Variants in SASH1 observed in about 807,000 individuals in gnomAD.
SASH1 encodes SAM and SH3 domain-containing protein 1.
A neutral mutation model predicts 125.2 loss-of-function variants in SASH1; 44 were observed. The ratio of observed to expected loss-of-function variants is 0.35; its 90% CI spans 0.28 to 0.45. SASH1 has a LOEUF of 0.45. Among genes scored for constraint, SASH1 ranks in the 20% least tolerant of loss-of-function variants. The pLI, the probability that SASH1 is intolerant of heterozygous loss-of-function variation, is 1.00. For missense variants in SASH1, 1,426 were observed against 1,614.5 expected (o/e 0.88, Z 2.00); for synonymous variants, 639 against 649.1 (o/e 0.98, Z 0.24).
chr6:148,422,912 C>T (rs1775632277), intron 2 of SASH1, among the ~76,000 whole-genome samples: 1 of 152,078 alleles, frequency 6.6e-6, no homozygotes, highest in African/African-American at 2.4e-5. Context: ...AATATGATAT[C>T]TATCCGTGTG....
chr6:148,454,756 G>C (rs1376625886), intron 4 of SASH1, among the ~76,000 whole-genome samples: 1 of 152,156 alleles, frequency 6.6e-6, no homozygotes, highest in Non-Finnish European at 1.5e-5. Flanking sequence ...TGAAGAGAGG[G>C]AGAGATCTGG....
chr6:148,527,285 A>G (rs1781235353), intron 11 of SASH1, 168 bp from the exon 12 acceptor site: 4 of 566,828 alleles, frequency 7.1e-6, no homozygotes, highest in Non-Finnish European at 8.5e-6. Context: ...AATAAGCTTT[A>G]ATTTTTAATC....
intron 1 of SASH1, among the ~76,000 whole-genome samples, chr6:148,321,119 G>A (rs916146988): frequency 3.3e-5 from 5 of 152,170 alleles, no homozygotes; most frequent in Non-Finnish European, 5.9e-5. Flanking sequence ...CAGGCCAGGC[G>A]CGGTGGCTCA....
intron 1 of SASH1, among the ~76,000 whole-genome samples, chr6:148,353,103 G>A (rs934611161): frequency 5.3e-5 from 8 of 151,880 alleles, no homozygotes; most frequent in Non-Finnish European, 2.9e-5. Context: ...GGGTCTCCCT[G>A]TGTCACGCAG....
At chr6:148,448,166 G>A (rs774912938) in intron 4 of SASH1, among the ~76,000 whole-genome samples, 10 of 151,698 alleles carry the variant, frequency 6.6e-5, no homozygotes, top group Non-Finnish European at 1.0e-4. Context: ...GCGTGCGTGC[G>A]TTGTCACCTT....
chr6:148,492,516 G>A (rs967045756), intron 8 of SASH1, among the ~76,000 whole-genome samples: 3 of 152,124 alleles, frequency 2.0e-5, no homozygotes, highest in Non-Finnish European at 4.4e-5. Context: ...GTAGAGCAGA[G>A]GTTAAAATCA....
chr6:148,317,704 C>T (rs9485278), intron 1 of SASH1, among the ~76,000 whole-genome samples: 6,899 of 152,246 alleles, frequency 0.045, 220 homozygotes, highest in South Asian at 0.088. Context: ...GGATTACAGT[C>T]GTGAGCCACG....
At chr6:148,548,191 G>A (rs1782669713) in intron 19 of SASH1, 104 bp from the exon 20 acceptor site, 1 of 1,030,160 alleles carries the variant, frequency 9.7e-7, no homozygotes, top group Non-Finnish European at 1.4e-6. Flanking sequence ...TCTGATAATA[G>A]TCTAGCAATG....
intron 1 of SASH1, among the ~76,000 whole-genome samples, chr6:148,373,912 G>A (rs183351049): frequency 1.3e-5 from 2 of 152,348 alleles, no homozygotes; most frequent in East Asian, 3.9e-4. Flanking sequence ...GACGGAGGTT[G>A]CACTAAGCTG....
intron 1 of SASH1, among the ~76,000 whole-genome samples, chr6:148,362,963 G>C (rs887479538): frequency 1.5e-4 from 23 of 152,292 alleles, no homozygotes; most frequent in African/African-American, 5.3e-4. Flanking sequence ...CTGCCACCCA[G>C]GACAGAGCTG....
At chr6:148,216,889 G>A in the SASH1 span, among the ~76,000 whole-genome samples, 1 of 151,834 alleles carries the variant, frequency 6.6e-6, no homozygotes, top group Admixed American at 6.6e-5. Flanking sequence ...CACCATGCCC[G>A]GCTAATTTTT....
chr6:148,444,991 A>G (rs1355615760), intron 4 of SASH1, among the ~76,000 whole-genome samples: 1 of 152,192 alleles, frequency 6.6e-6, no homozygotes, highest in East Asian at 1.9e-4. Flanking sequence ...TTTAGACCAC[A>G]TAGGGTAACT....
chr6:148,438,367 T>G (rs560449289), intron 2 of SASH1, among the ~76,000 whole-genome samples: 37 of 152,328 alleles, frequency 2.4e-4, no homozygotes, highest in African/African-American at 8.9e-4. Flanking sequence ...AAAGTATATA[T>G]CCCCTTTGTT....
intron 8 of SASH1, among the ~76,000 whole-genome samples, chr6:148,507,759 A>G (rs747356985): frequency 9.2e-5 from 14 of 152,120 alleles, no homozygotes; most frequent in Non-Finnish European, 1.8e-4. Flanking sequence ...CTGTGTAGCT[A>G]GGTATTTTAT....
chr6:148,272,320 C>G lies in SASH1; in HGVS notation n.17C>G, dbSNP rs148130863. On this transcript the variant is annotated non_coding_transcript_exon_variant, in exon 1 of 4. Coordinates refer to the SASH1 transcript ENST00000367469. ...ATGCGATCTGAGTCAGAGAGGAAGT[C>G]AGAGACCATTTGAACGTATGGCCAG... 7.9e-5 allele frequency: 37 copies of G among 470,274 alleles called. 1 individual carries two copies. The highest frequency in any genetic ancestry group is 4.6e-4 in the African/African-American group (23 of 50,174). The allele number at this position is 470,274 out of a possible 1,614,324, so 29.1% of individuals were successfully genotyped here. A position where few individuals can be genotyped will look rare whatever the true frequency, so the allele number is the denominator to read the frequency against.
At chr6:148,301,000 G>C (rs1779926320) in intron 1 of SASH1, among the ~76,000 whole-genome samples, 1 of 151,956 alleles carries the variant, frequency 6.6e-6, no homozygotes. Flanking sequence ...TGTCATCCAA[G>C]CTGGAGTGCA....
the SASH1 span, among the ~76,000 whole-genome samples, chr6:148,250,993 C>T: frequency 1.3e-5 from 2 of 152,074 alleles, no homozygotes; most frequent in East Asian, 1.9e-4. Flanking sequence ...AGATTGCATC[C>T]TTTATTTGAG....
intron 1 of SASH1, among the ~76,000 whole-genome samples, chr6:148,359,367 C>G (rs1782098628): frequency 6.7e-6 from 1 of 149,068 alleles, no homozygotes; most frequent in Non-Finnish European, 1.5e-5. Context: ...TGTGGCAACC[C>G]TGTGTTGAGC....
intron 2 of SASH1, among the ~76,000 whole-genome samples, chr6:148,409,732 G>C (rs1360058298): frequency 6.6e-6 from 1 of 152,084 alleles, no homozygotes; most frequent in Admixed American, 6.5e-5. Context: ...TCAGGAGTTC[G>C]AGACCAGTCT....
Sources: gnomAD v4.1 joint callset for allele counts (sites outside exome capture counted in the v4.1 genomes callset) on GRCh38, gnomAD v4.1.1 for gene constraint, MANE v1.5 for transcripts, NCBI Gene and HGNC (gene_info 2026-07-23, HGNC 2026-07-21) for gene names.